FLT1: variants seen among roughly 807,000 people sequenced by gnomAD.
FLT1 encodes the protein fms related receptor tyrosine kinase 1.
Under a neutral mutation model 156.3 loss-of-function variants are expected in FLT1, and 49 were observed. That is an observed-to-expected ratio of 0.31 (90% CI 0.25 to 0.40). FLT1 has a LOEUF of 0.40. FLT1 is among the 10% of genes least tolerant of loss of function. The probability of loss-of-function intolerance (pLI) is 1.00; values close to 1 mark genes in which losing one functional copy is unlikely to be tolerated. For missense variants in FLT1, 1,322 were observed against 1,637.2 expected, an observed-to-expected ratio of 0.81 and a Z score of 3.32; for synonymous variants, 594 against 583.8, an observed-to-expected ratio of 1.02 and a Z score of -0.25.
chr13:28,313,033 C>T (rs938042475), intron 25 of FLT1, among the ~76,000 whole-genome samples: 1 of 151,988 alleles, frequency 6.6e-6, no homozygotes, highest in Non-Finnish European at 1.5e-5. Context: ...GGCTGGAGTG[C>T]AGTGCCATGA....
chr13:28,319,585 A>T (rs1402633408), intron 23 of FLT1, 51 bp from the exon 24 acceptor site: 14 of 1,085,920 alleles, frequency 1.3e-5, no homozygotes, highest in Non-Finnish European at 2.0e-5. Context: ...AACAAAGCAC[A>T]TTCAACCCGA....
rs145187535 is a variant in FLT1, at chr13:28,445,247, C to T, written c.389-6902G>A. ...ATCCCAGCACTTTGGGAGGCTGAGA[C>T]GGGTGGATTATCTGAGGCAAGGGTT... On this transcript the variant is annotated intron_variant, in intron 3 of 29. Transcript: ENST00000282397. 6.9e-3 allele frequency among the ~76,000 whole-genome samples: 1,042 copies of T among 152,038 alleles called. 12 individuals carry two copies. The highest frequency in any genetic ancestry group is 0.022 in the African/African-American group (905 of 41,484).
At chr13:28,491,869 G>A (rs563379274) in intron 1 of FLT1, among the ~76,000 whole-genome samples, 8 of 152,290 alleles carry the variant, frequency 5.3e-5, no homozygotes, top group African/African-American at 1.2e-4. Flanking sequence ...CTTGGTGATC[G>A]TTAGAAAAGA....
At chr13:28,340,908 C>T (rs1225008314) in intron 16 of FLT1, among the ~76,000 whole-genome samples, 1 of 152,172 alleles carries the variant, frequency 6.6e-6, no homozygotes, top group East Asian at 1.9e-4. Flanking sequence ...GAGGGCCCGG[C>T]CTGCCAGACA....
At chr13:28,372,715 C>T (rs1215070250) in intron 14 of FLT1, among the ~76,000 whole-genome samples, 1 of 150,654 alleles carries the variant, frequency 6.6e-6, no homozygotes, top group African/African-American at 2.4e-5. Flanking sequence ...AACCCCGTCT[C>T]TACTAAAAAT....
At chr13:28,417,433 TTCACCA>T (rs1876716728) in intron 10 of FLT1, among the ~76,000 whole-genome samples, 1 of 152,020 alleles carries the variant, frequency 6.6e-6, no homozygotes, top group African/African-American at 2.4e-5. Context: ...AACTGCAACA[TTCACCA>T]TCTACCACCC....
chr13:28,440,633 T>C (rs1311652738), intron 3 of FLT1, among the ~76,000 whole-genome samples: 1 of 151,990 alleles, frequency 6.6e-6, no homozygotes. Flanking sequence ...AGGCTTTGAG[T>C]CGGAGGGAGG....
chr13:28,304,915 T>C (rs767433728), intron 29 of FLT1, among the ~76,000 whole-genome samples: 1 of 152,244 alleles, frequency 6.6e-6, no homozygotes, highest in Non-Finnish European at 1.5e-5. Flanking sequence ...TACCATACTT[T>C]ATTCATTGAG....
chr13:28,383,555 C>T (rs1027553644), intron 14 of FLT1, among the ~76,000 whole-genome samples: 1 of 151,498 alleles, frequency 6.6e-6, no homozygotes, highest in East Asian at 1.9e-4. Context: ...CCCAGCTACT[C>T]GGGAGGCTGA....
rs2138830284 is a variant in FLT1 at position 28,321,632 on chromosome 13, A to G, written c.3052-47T>C. 3.7e-6 allele frequency: 6 copies of G among 1,600,414 alleles called. No homozygotes were observed. In the East Asian group the frequency reaches 1.3e-4, roughly 36 times the overall value. On this transcript the variant is annotated intron_variant, in intron 22 of 29. Coordinates refer to ENST00000282397, the MANE Select transcript of FLT1 (RefSeq NM_002019.4). ...ATCAATGCATTTCCTTAACCTAACC[A>G]ACTAATTTCCTACACCTGTCAGTGT... is the stretch of plus-strand genomic sequence containing the variant.
intron 14 of FLT1, among the ~76,000 whole-genome samples, chr13:28,384,189 T>A (rs1314151290): frequency 2.6e-5 from 4 of 152,142 alleles, no homozygotes; most frequent in African/African-American, 9.7e-5. Context: ...ATCCCAGCAC[T>A]TTGGGAGGCC....
At chr13:28,455,956 A>C (rs1409784503) in intron 3 of FLT1, among the ~76,000 whole-genome samples, 2 of 152,226 alleles carry the variant, frequency 1.3e-5, no homozygotes, top group Non-Finnish European at 2.9e-5. Context: ...CAAAATCCAG[A>C]ACACTGCCAA....
intron 24 of FLT1, among the ~76,000 whole-genome samples, chr13:28,318,763 G>A (rs1266458811): frequency 6.6e-6 from 1 of 152,204 alleles, no homozygotes; most frequent in East Asian, 1.9e-4. Context: ...GCGAGAACTT[G>A]AGTTTTAGAG....
At chr13:28,365,450 C>T (rs1300133359) in intron 14 of FLT1, among the ~76,000 whole-genome samples, 1 of 151,954 alleles carries the variant, frequency 6.6e-6, no homozygotes, top group African/African-American at 2.4e-5. Context: ...CTCCCGGACT[C>T]AAGGGATTCT....
Position 28,405,829 on chromosome 13 carries a change from C to T in FLT1, c.1502G>A (p.Arg501Lys), listed in dbSNP as rs61763181. ...CATGCGCTGAGTGATGCTCTCAATT[C>T]TGTTTCCCATGTTGCTGTCAGCATC... is the stretch of plus-strand genomic sequence containing the variant. ...ILDADSNMGNRIESITQRMAI... is the reference protein window; with the variant it reads ...ILDADSNMGNKIESITQRMAI... Residue 501 changes from arginine to lysine, a missense_variant, in exon 11 of 30, where the codon AGA becomes AAA. Physicochemically the swap from Arg to Lys is conservative, Grantham distance 26 (BLOSUM62 2). Transcript: ENST00000282397. The T allele has an allele frequency of 9.7e-5, 157 of 1,610,994 alleles. No individual in the cohort carries two copies. In the Middle Eastern group the frequency reaches 2.0e-3, roughly 20 times the overall value.
intron 3 of FLT1, among the ~76,000 whole-genome samples, chr13:28,453,667 T>G (rs371807685): frequency 2.6e-5 from 4 of 152,360 alleles, no homozygotes; most frequent in African/African-American, 9.6e-5. Context: ...GGGATCGTGA[T>G]TTAGTCACAT....
intron 3 of FLT1, among the ~76,000 whole-genome samples, chr13:28,447,566 A>G (rs953822514): frequency 7.9e-5 from 12 of 152,132 alleles, no homozygotes; most frequent in Non-Finnish European, 1.3e-4. Context: ...ATATGATACC[A>G]AAAGCACAAG....
rs143481566 is a variant in FLT1, at chr13:28,405,695, C to T, written c.1551+85G>A. 382 of 827,168 alleles carry T rather than the reference C, an allele frequency of 4.6e-4. 2 individuals carry two copies. The African/African-American group carries it at 5.6e-3, about 12-fold the overall frequency. The allele number at this position is 827,168 out of a possible 1,614,324, so 51.2% of individuals were successfully genotyped here. A position where few individuals can be genotyped will look rare whatever the true frequency, so the allele number is the denominator to read the frequency against. On this transcript the variant is annotated intron_variant, in intron 11 of 29. Transcript: ENST00000282397. ...AATTTTTGTTTGAACATTTAAATTACTTCTGGTGCCAATAAACCTAGAATT... is the reference window on the plus strand; with the variant it reads ...AATTTTTGTTTGAACATTTAAATTATTTCTGGTGCCAATAAACCTAGAATT...
At chr13:28,440,185 G>GT (rs559707686) in intron 3 of FLT1, among the ~76,000 whole-genome samples, 1 of 152,174 alleles carries the variant, frequency 6.6e-6, no homozygotes, top group Non-Finnish European at 1.5e-5. Context: ...AGAACCAGCA[G>GT]TTTTTTTCTC....
Sources: gnomAD v4.1 joint callset for allele counts (sites outside exome capture counted in the v4.1 genomes callset) on GRCh38, gnomAD v4.1.1 for gene constraint, MANE v1.5 for transcripts, NCBI Gene and HGNC (gene_info 2026-07-23, HGNC 2026-07-21) for gene names.